GRIP1: variants seen among roughly 807,000 people sequenced by gnomAD.
The protein encoded by GRIP1 is glutamate receptor-interacting protein 1.
GRIP1 carries 45 observed loss-of-function variants against 129.9 expected under a neutral mutation model. That is an observed-to-expected ratio of 0.35 (90% CI 0.27 to 0.44). The LOEUF is 0.44. GRIP1 is among the 20% of genes least tolerant of loss of function. The pLI is 1.00. For missense variants in GRIP1, 1,196 were observed against 1,396.8 expected (o/e 0.86, Z 2.29); for synonymous variants, 530 against 520.8 (o/e 1.02, Z -0.24).
At chr12:66,730,272 A>G (rs1347149474) in intron 1 of GRIP1, among the ~76,000 whole-genome samples, 1 of 152,100 alleles carries the variant, frequency 6.6e-6, no homozygotes, top group Non-Finnish European at 1.5e-5. Context: ...CAGCTCCACC[A>G]CTCTGAATTT....
At chr12:66,813,920 G>A (rs7960199) in intron 1 of GRIP1, among the ~76,000 whole-genome samples, 38,381 of 152,016 alleles carry the variant, frequency 0.25, 5,891 homozygotes, top group Non-Finnish European at 0.34. Context: ...ATGGAAAATG[G>A]GCAAGAGTGG....
intron 1 of GRIP1, among the ~76,000 whole-genome samples, chr12:66,906,930 C>A (rs970433255): frequency 1.3e-5 from 2 of 152,176 alleles, no homozygotes; most frequent in South Asian, 4.1e-4. Context: ...ATGTCAATAT[C>A]TCACATAACC....
intron 16 of GRIP1, among the ~76,000 whole-genome samples, chr12:66,397,110 CAAAAAAAAA>C (rs71436004): frequency 3.3e-5 from 2 of 60,216 alleles, no homozygotes; most frequent in Non-Finnish European, 5.7e-5. Context: ...GACTCTGTCT[CAAAAAAAAA>C]AAAAAAAAAA....
At chr12:66,828,339 T>C (rs1229364201) in intron 1 of GRIP1, among the ~76,000 whole-genome samples, 1 of 152,216 alleles carries the variant, frequency 6.6e-6, no homozygotes, top group African/African-American at 2.4e-5. Context: ...CTTGGAATTG[T>C]TGACACTGAG....
At chr12:66,943,266 C>A (rs2041615863) in intron 1 of GRIP1, among the ~76,000 whole-genome samples, 1 of 152,062 alleles carries the variant, frequency 6.6e-6, no homozygotes. Flanking sequence ...TCTTGAACAG[C>A]AGGGGGCCTA....
intron 2 of GRIP1, among the ~76,000 whole-genome samples, chr12:66,546,581 C>T (rs1038102417): frequency 6.6e-6 from 1 of 152,082 alleles, no homozygotes; most frequent in Non-Finnish European, 1.5e-5. Context: ...TAGACTCGCA[C>T]AAATATGACA....
intron 2 of GRIP1, among the ~76,000 whole-genome samples, chr12:66,565,627 G>T (rs1219008133): frequency 2.0e-5 from 3 of 152,146 alleles, no homozygotes; most frequent in Non-Finnish European, 4.4e-5. Context: ...GGTTCCATAT[G>T]AACTTTAAAA....
intron 1 of GRIP1, among the ~76,000 whole-genome samples, chr12:66,622,587 G>A (rs1209920156): frequency 6.6e-6 from 1 of 152,056 alleles, no homozygotes; most frequent in Admixed American, 6.6e-5. Flanking sequence ...TACAATGTGA[G>A]AGGCTAAAGA....
intron 1 of GRIP1, among the ~76,000 whole-genome samples, chr12:66,756,793 A>G (rs2037303937): frequency 6.6e-6 from 1 of 152,200 alleles, no homozygotes; most frequent in South Asian, 2.1e-4. Flanking sequence ...AGGTTAATCA[A>G]GAACTTGTCT....
At chr12:66,759,051 C>T (rs2037389234) in intron 1 of GRIP1, among the ~76,000 whole-genome samples, 3 of 152,232 alleles carry the variant, frequency 2.0e-5, no homozygotes, top group Admixed American at 2.0e-4. Context: ...TGTATGGGTG[C>T]TCCCACCCCA....
intron 14 of GRIP1, among the ~76,000 whole-genome samples, chr12:66,432,123 A>G (rs2058166625): frequency 6.6e-6 from 1 of 152,098 alleles, no homozygotes; most frequent in Admixed American, 6.6e-5. Flanking sequence ...AATAATATAT[A>G]TTATACGATA....
chr12:66,742,139 T>G (rs1481027753), intron 1 of GRIP1, among the ~76,000 whole-genome samples: 2 of 152,146 alleles, frequency 1.3e-5, no homozygotes, highest in African/African-American at 4.8e-5. Context: ...GGGCTGCCAG[T>G]TTCTCTGAGG....
chr12:66,382,320 G>A (rs2056148483), intron 19 of GRIP1, among the ~76,000 whole-genome samples: 1 of 152,044 alleles, frequency 6.6e-6, no homozygotes, highest in Non-Finnish European at 1.5e-5. Context: ...AGGAGTTCGA[G>A]ACCAGTCTGA....
chr12:66,927,892 T>A (rs2041321973), intron 1 of GRIP1, among the ~76,000 whole-genome samples: 1 of 152,208 alleles, frequency 6.6e-6, no homozygotes, highest in African/African-American at 2.4e-5. Context: ...ATGACCTATG[T>A]TAGTCAGACT....
At chr12:66,674,662 C>T (rs1045343645) in intron 1 of GRIP1, among the ~76,000 whole-genome samples, 23 of 152,286 alleles carry the variant, frequency 1.5e-4, no homozygotes, top group African/African-American at 5.1e-4. Flanking sequence ...TCAGTTCTCT[C>T]TGGAAACAAG....
At chr12:66,945,232 C>T (rs753784912) in intron 1 of GRIP1, among the ~76,000 whole-genome samples, 1 of 151,956 alleles carries the variant, frequency 6.6e-6, no homozygotes, top group Non-Finnish European at 1.5e-5. Flanking sequence ...AATTGTGTGT[C>T]GTGGCAGTTT....
At chr12:66,693,393 T>G (rs1246927025) in intron 1 of GRIP1, among the ~76,000 whole-genome samples, 1 of 152,196 alleles carries the variant, frequency 6.6e-6, no homozygotes, top group South Asian at 2.1e-4. Flanking sequence ...CAACTCTCAG[T>G]TGGGGCTGGA....
At chr12:67,053,582 G>A (rs2135859106) in intron 1 of GRIP1, among the ~76,000 whole-genome samples, 1 of 152,284 alleles carries the variant, frequency 6.6e-6, no homozygotes, top group Admixed American at 6.5e-5. Flanking sequence ...GCTCATGCCT[G>A]TAATCCCAGC....
At chr12:66,952,656 C>CT (rs540919888) in intron 1 of GRIP1, among the ~76,000 whole-genome samples, 351 of 152,252 alleles carry the variant, frequency 2.3e-3, no homozygotes, top group African/African-American at 8.0e-3. Context: ...AAAACACTTA[C>CT]TTTTTTTAAC....
Sources: allele counts gnomAD v4.1 joint callset (sites outside exome capture counted in the v4.1 genomes callset), GRCh38; gene constraint gnomAD v4.1.1; transcripts MANE v1.5; gene names NCBI Gene and HGNC (gene_info 2026-07-23, HGNC 2026-07-21).